The following RALGAPA2 variants were observed in gnomAD, a reference collection of about 807,000 sequenced individuals.
RALGAPA2 encodes ral GTPase-activating protein subunit alpha-2.
Under a neutral mutation model 230.4 loss-of-function variants are expected in RALGAPA2, and 139 were observed. The ratio of observed to expected loss-of-function variants is 0.60; its 90% CI spans 0.53 to 0.69. The LOEUF is 0.69. RALGAPA2 is among the 30% of genes least tolerant of loss of function. The pLI, the probability that RALGAPA2 is intolerant of heterozygous loss-of-function variation, is 0.00. For synonymous variants in RALGAPA2, 847 were observed against 837.8 expected, an observed-to-expected ratio of 1.01 and a Z score of -0.19; for missense variants, 2,163 against 2,276.0, an observed-to-expected ratio of 0.95 and a Z score of 1.01.
chr20:20,615,937 GT>G, intron 13 of RALGAPA2, 105 bp downstream of exon 13: 1 of 914,602 alleles, frequency 1.1e-6, no homozygotes, highest in Non-Finnish European at 1.5e-6. Context: ...ACATTTTGTT[GT>G]TAAGTTCGTA....
intron 17 of RALGAPA2, 146 bp downstream of exon 17, chr20:20,591,031 A>G (rs919984281): frequency 2.2e-5 from 22 of 980,590 alleles, no homozygotes; most frequent in Non-Finnish European, 2.9e-5. Context: ...TCATTGCCAT[A>G]AATCACATCC....
intron 1 of RALGAPA2, among the ~76,000 whole-genome samples, chr20:20,691,464 A>G (rs2068903576): frequency 6.6e-6 from 1 of 152,186 alleles, no homozygotes; most frequent in African/African-American, 2.4e-5. Context: ...GATTTTTTAC[A>G]ATTTTGTATT....
At chr20:20,621,134 C>CA (rs2066308286) in intron 10 of RALGAPA2, among the ~76,000 whole-genome samples, 2 of 147,054 alleles carry the variant, frequency 1.4e-5, no homozygotes, top group East Asian at 4.0e-4. Context: ...GAGCCAGACT[C>CA]AGTCTCCAAA....
chr20:20,594,728 CTT>C (rs759189397), intron 16 of RALGAPA2, among the ~76,000 whole-genome samples: 18 of 133,994 alleles, frequency 1.3e-4, no homozygotes, highest in African/African-American at 8.2e-5. Flanking sequence ...CTATTACTTT[CTT>C]TTTTTTTTTT....
At chr20:20,458,906 T>C (rs2061235908) in intron 37 of RALGAPA2, among the ~76,000 whole-genome samples, 1 of 104,774 alleles carries the variant, frequency 9.5e-6, no homozygotes, top group African/African-American at 3.7e-5. Flanking sequence ...AATATATATA[T>C]ACCAATACAA....
intron 16 of RALGAPA2, among the ~76,000 whole-genome samples, chr20:20,594,486 G>A (rs987030649): frequency 1.3e-5 from 2 of 151,906 alleles, no homozygotes; most frequent in African/African-American, 4.8e-5. Flanking sequence ...TTAAAATGGA[G>A]AAAGAATTAT....
intron 28 of RALGAPA2, among the ~76,000 whole-genome samples, chr20:20,525,871 G>C (rs755942216): frequency 1.3e-5 from 2 of 152,224 alleles, no homozygotes; most frequent in Non-Finnish European, 1.5e-5. Flanking sequence ...TAGTCTGGGA[G>C]AGACTTCTGT....
rs115446204 is a variant in RALGAPA2 at position 20,623,858 on chromosome 20, C to A, written c.1234-3228G>T. Among the ~76,000 whole-genome samples the A allele has an allele frequency of 6.7e-3, 1,022 of 152,178 alleles. 7 individuals carry two copies. Among genetic ancestry groups the A allele is most frequent in the African/African-American group, 0.023 (951 of 41,516 alleles). On this transcript the variant is annotated intron_variant, in intron 10 of 39. Transcript: ENST00000202677. ...TTTGGTGTCTTTTATTTCTTTATTT[C>A]TTTAAATATGTTAAACCTATTTACC...
At chr20:20,591,618 T>C (rs913775893) in intron 16 of RALGAPA2, among the ~76,000 whole-genome samples, 4 of 151,962 alleles carry the variant, frequency 2.6e-5, no homozygotes, top group South Asian at 2.1e-4. Flanking sequence ...GGGCCAGGCA[T>C]GCCAAGGAAA....
intron 37 of RALGAPA2, among the ~76,000 whole-genome samples, chr20:20,413,206 A>G (rs963475291): frequency 6.6e-6 from 1 of 152,256 alleles, no homozygotes; most frequent in Non-Finnish European, 1.5e-5. Context: ...GAAGAGGAAA[A>G]GTAACTCTAG....
At chr20:20,412,687 T>C (rs1458943436) in intron 37 of RALGAPA2, among the ~76,000 whole-genome samples, 3 of 152,084 alleles carry the variant, frequency 2.0e-5, no homozygotes, top group African/African-American at 2.4e-5. Context: ...GCTGTGAACA[T>C]TGGAAAATAA....
intron 35 of RALGAPA2, 23 bp from the exon 36 acceptor site, chr20:20,495,298 T>C: frequency 6.7e-7 from 1 of 1,502,098 alleles, no homozygotes; most frequent in Non-Finnish European, 9.0e-7. Flanking sequence ...ATTGACTGTT[T>C]ATTAATCAGG....
In RALGAPA2 at chr20:20,495,107, G is replaced by T. The variant is rs1411790540; in HGVS notation, c.5367+10C>A. ...TTATGAGTCAGTACAACAATGCAAT[G>T]AAAACGTACCTCAGGTTTCTTCGTT... On this transcript the variant is annotated intron_variant, in intron 36 of 39. Transcript: ENST00000202677. 8 of 1,592,454 alleles carry T rather than the reference G, an allele frequency of 5.0e-6. No homozygotes were observed. Among genetic ancestry groups the T allele is most frequent in the Non-Finnish European group, 6.0e-6 (7 of 1,163,268 alleles).
rs1234154206 is a variant in RALGAPA2 at position 20,500,112 on chromosome 20, C to CT, written c.5208+3238dup. ...ATCTGAGCCTTCAGTGAGTTGTAGT[C>CT]TTTTTTTGCTGGTACAGGGTTTTGC... is the stretch of plus-strand genomic sequence containing the variant. On this transcript the variant is annotated intron_variant, in intron 35 of 39. Transcript: ENST00000202677. 3.9e-5 allele frequency among the ~76,000 whole-genome samples: 6 copies of CT among 152,234 alleles called. No homozygotes were observed. The South Asian group carries it at 8.3e-4, about 21-fold the overall frequency.
At chr20:20,429,192 T>A (rs1039942287) in intron 37 of RALGAPA2, among the ~76,000 whole-genome samples, 16 of 152,190 alleles carry the variant, frequency 1.1e-4, no homozygotes, top group Non-Finnish European at 1.0e-4. Flanking sequence ...ACCACCCAGC[T>A]AGCAATGAGC....
At chr20:20,463,196 T>C (rs1481092398) in intron 37 of RALGAPA2, among the ~76,000 whole-genome samples, 3 of 152,172 alleles carry the variant, frequency 2.0e-5, no homozygotes, top group African/African-American at 7.2e-5. Context: ...TCAGTTTTTT[T>C]TTTTTCTGTC....
intron 37 of RALGAPA2, among the ~76,000 whole-genome samples, chr20:20,452,417 A>G (rs921728203): frequency 6.6e-6 from 1 of 152,218 alleles, no homozygotes; most frequent in Non-Finnish European, 1.5e-5. Flanking sequence ...TGCATCTTGT[A>G]CGAATCCAGA....
intron 15 of RALGAPA2, among the ~76,000 whole-genome samples, chr20:20,603,404 T>C (rs1333849070): frequency 6.6e-6 from 1 of 152,236 alleles, no homozygotes; most frequent in East Asian, 1.9e-4. Flanking sequence ...TACTAACCAC[T>C]GTAACTGGTT....
intron 3 of RALGAPA2, among the ~76,000 whole-genome samples, chr20:20,671,032 G>A (rs377537400): frequency 3.3e-5 from 5 of 151,900 alleles, no homozygotes; most frequent in African/African-American, 9.7e-5. Context: ...TGAAGCTACA[G>A]GCAAAGGCAG....
Sources: gnomAD v4.1 joint callset for allele counts (sites outside exome capture counted in the v4.1 genomes callset) on GRCh38, gnomAD v4.1.1 for gene constraint, MANE v1.5 for transcripts, NCBI Gene and HGNC (gene_info 2026-07-23, HGNC 2026-07-21) for gene names.